Variants in BOD1L1 observed in about 807,000 individuals in gnomAD.
BOD1L1 encodes the protein biorientation of chromosomes in cell division 1 like 1.
A neutral mutation model predicts 240.7 loss-of-function variants in BOD1L1; 86 were observed. The ratio of observed to expected loss-of-function variants is 0.36; its 90% CI spans 0.30 to 0.43. BOD1L1 has a LOEUF of 0.43. BOD1L1 is among the 20% of genes least tolerant of loss of function. The probability of loss-of-function intolerance (pLI) is 1.00; values close to 1 mark genes in which losing one functional copy is unlikely to be tolerated. For synonymous variants in BOD1L1, 1,268 were observed against 1,272.3 expected (o/e 1.00, Z 0.07); for missense variants, 3,554 against 3,643.5 (o/e 0.98, Z 0.63).
At chr4:13,605,755 T>A (rs539219989) in intron 9 of BOD1L1, among the ~76,000 whole-genome samples, 3 of 152,226 alleles carry the variant, frequency 2.0e-5, no homozygotes, top group Non-Finnish European at 4.4e-5. Flanking sequence ...GAATTATGTA[T>A]GGAAACCTCA....
rs1319081188 is a variant in BOD1L1, at chr4:13,590,392, T to C, written c.8203A>G (p.Lys2735Glu). 6.7e-7 allele frequency: 1 copy of C among 1,496,290 alleles called. No homozygotes were observed. The highest frequency in any genetic ancestry group is 1.2e-5 in the South Asian group (1 of 82,360). The allele number at this position is 1,496,290 out of a possible 1,614,324, so 92.7% of individuals were successfully genotyped here. ...NEEIHSESYN[K>E]GEISSGRKDN... ...ATGAAATTCATTAACTTACCTCCTT[T>C]GTTATAAGATTCGCTATGAATTTCT... The change falls in exon 14 of 26, where the codon AAA (lysine) becomes GAA (glutamate). Residue 2735 changes from lysine (K) to glutamate (E), a missense_variant. Lys to Glu is a moderately conservative substitution (Grantham distance 56, BLOSUM62 1). Coordinates refer to ENST00000040738, the MANE Select transcript of BOD1L1 (RefSeq NM_148894.3).
rs1274714205 is a variant in BOD1L1, at chr4:13,601,924, G to A, written c.4976C>T (p.Ser1659Phe). Residue 1659 changes from serine to phenylalanine, a missense_variant, in exon 10 of 26, where the codon TCT (serine) becomes TTT (phenylalanine). Coordinates refer to ENST00000040738, the MANE Select transcript of BOD1L1 (RefSeq NM_148894.3). The part of the protein sequence containing the change: ...EKDDAVTSAG[S>F]EEKCDGSLSR... ...TAAAGAACCATCACATTTTTCTTCA[G>A]AGCCTGCACTGGTTACAGCATCATC... 2 of 1,613,862 alleles carry A rather than the reference G, an allele frequency of 1.2e-6. No individual in the cohort carries two copies. Among genetic ancestry groups the A allele is most frequent in the Non-Finnish European group, 1.7e-6 (2 of 1,179,876 alleles).
chr4:13,593,935 G>A (rs1013300), intron 12 of BOD1L1, among the ~76,000 whole-genome samples: 82,970 of 152,042 alleles, frequency 0.55, 26,419 homozygotes, highest in East Asian at 0.96. Context: ...ACAGTAATTC[G>A]TTTAGGGTGG....
chr4:13,617,680 A>G (rs1490433243), intron 2 of BOD1L1, among the ~76,000 whole-genome samples: 1 of 152,256 alleles, frequency 6.6e-6, no homozygotes, highest in African/African-American at 2.4e-5. Flanking sequence ...CCTCCTACTG[A>G]GTCAGCAGAT....
Position 13,614,399 on chromosome 4 carries a change from T to C in BOD1L1, c.971A>G (p.Lys324Arg), listed in dbSNP as rs1355826672. Residue 324 changes from lysine (K) to arginine (R), a missense_variant, in exon 4 of 26, where the codon AAG (lysine) becomes AGG (arginine). This residue lies in a region of BOD1L1 where 3,393 missense variants were observed against 3,427.1 expected (regional missense o/e 0.99). Transcript: ENST00000040738. ...TCCTTTCTCATTGCTGTCTGGCTTC[T>C]TTTCACCTTTGTCTGTTGATTTATT... is the stretch of plus-strand genomic sequence containing the variant. Reference protein sequence around the residue: ...QKNKSTDKGEKKPDSNEKGER... With the variant: ...QKNKSTDKGERKPDSNEKGER... 2 of 1,574,726 alleles carry C rather than the reference T, an allele frequency of 1.3e-6. No individual in the cohort carries two copies. Among genetic ancestry groups the C allele is most frequent in the Non-Finnish European group, 8.6e-7 (1 of 1,157,860 alleles).
intron 1 of BOD1L1, among the ~76,000 whole-genome samples, chr4:13,621,514 C>T (rs576440049): frequency 2.6e-5 from 4 of 152,318 alleles, no homozygotes; most frequent in Admixed American, 6.5e-5. Context: ...TCTTCATCCA[C>T]GCTCCTACTG....
chr4:13,587,603 T>G, intron 16 of BOD1L1, 96 bp downstream of exon 16: 1 of 897,552 alleles, frequency 1.1e-6, no homozygotes, highest in Non-Finnish European at 1.7e-6. Context: ...AGAGAGTTAC[T>G]ATCCTCAAAA....
At chr4:13,592,146 CAGA>C in intron 12 of BOD1L1, 180 bp from the exon 13 acceptor site, 1 of 525,846 alleles carries the variant, frequency 1.9e-6, no homozygotes, top group Non-Finnish European at 3.4e-6. Context: ...GTTGTACTAC[CAGA>C]ATATACTACC....
chr4:13,576,472 GTTGAA>G (rs1379608642), intron 25 of BOD1L1, among the ~76,000 whole-genome samples: 3 of 152,028 alleles, frequency 2.0e-5, no homozygotes, highest in African/African-American at 7.3e-5. Context: ...TGCTTTCTGG[GTTGAA>G]TTAAGTATGC....
Position 13,598,414 on chromosome 4 carries a change from T to C in BOD1L1, c.7954+532A>G, listed in dbSNP as rs1327249543. On this transcript the variant is annotated intron_variant, in intron 10 of 25. Coordinates refer to ENST00000040738, the MANE Select transcript of BOD1L1 (RefSeq NM_148894.3). ...TGGAATCGTGTTTGCCTTTGTATTA[T>C]CATCCCGTCTTATTATCCCCATTTT... is the stretch of plus-strand genomic sequence containing the variant. Among the ~76,000 whole-genome samples the C allele has an allele frequency of 3.9e-5, 6 of 152,216 alleles. No homozygotes were observed. The South Asian group carries it at 8.3e-4, about 21-fold the overall frequency.
chr4:13,624,220 G>T (rs1371620640), intron 1 of BOD1L1: 1 of 152,016 alleles, frequency 6.6e-6, no homozygotes, highest in Admixed American at 6.6e-5. Flanking sequence ...GTGGCAGGGA[G>T]GGGGAGAGAG....
chr4:13,609,919 C>A (rs559713345), intron 6 of BOD1L1, among the ~76,000 whole-genome samples: 9 of 152,286 alleles, frequency 5.9e-5, no homozygotes, highest in Admixed American at 2.6e-4. Context: ...TCTTTTACAG[C>A]AGAAAGAATT....
At chr4:13,571,659 C>T (rs946114484) in intron 25 of BOD1L1, among the ~76,000 whole-genome samples, 1 of 152,156 alleles carries the variant, frequency 6.6e-6, no homozygotes, top group Non-Finnish European at 1.5e-5. Flanking sequence ...TGAGGAGGGG[C>T]ATTGGTCACT....
intron 2 of BOD1L1, 103 bp from the exon 3 acceptor site, chr4:13,615,605 A>G: frequency 9.1e-7 from 1 of 1,102,956 alleles, no homozygotes; most frequent in South Asian, 1.7e-5. Flanking sequence ...CTATCCATCC[A>G]TCCAACCTTA....
intron 13 of BOD1L1, 129 bp from the exon 14 acceptor site, chr4:13,590,575 A>G: frequency 2.3e-6 from 1 of 433,618 alleles, no homozygotes; most frequent in Non-Finnish European, 4.2e-6. Context: ...TGGGGTACAT[A>G]TTCTTTTTAA....
chr4:13,611,285 C>T (rs1716151801), intron 5 of BOD1L1, among the ~76,000 whole-genome samples, 185 bp from the exon 6 acceptor site: 1 of 152,148 alleles, frequency 6.6e-6, no homozygotes, highest in African/African-American at 2.4e-5. Flanking sequence ...CAGCTTCTCA[C>T]ACATAAATAA....
At chr4:13,623,048 A>G (rs749620536) in intron 1 of BOD1L1, among the ~76,000 whole-genome samples, 13 of 152,130 alleles carry the variant, frequency 8.5e-5, no homozygotes, top group Admixed American at 1.3e-4. Context: ...TGCCCCTTCA[A>G]TTCCTTCACA....
intron 21 of BOD1L1, among the ~76,000 whole-genome samples, chr4:13,580,316 T>C (rs1577315157): frequency 6.6e-6 from 1 of 152,212 alleles, no homozygotes; most frequent in South Asian, 2.1e-4. Context: ...AATAATTCTA[T>C]GAGATAAGTA....
At chr4:13,619,591 A>G (rs1716890953) in intron 2 of BOD1L1, among the ~76,000 whole-genome samples, 1 of 152,216 alleles carries the variant, frequency 6.6e-6, no homozygotes, top group Non-Finnish European at 1.5e-5. Context: ...GTAAAATAAG[A>G]ATAATAAAGC....
Sources: gnomAD v4.1 joint callset for allele counts (sites outside exome capture counted in the v4.1 genomes callset) on GRCh38, gnomAD v4.1.1 for gene constraint, gnomAD v4.1.1 regional missense constraint, MANE v1.5 for transcripts, NCBI Gene and HGNC (gene_info 2026-07-23, HGNC 2026-07-21) for gene names.